TBC1D22B: variants seen among roughly 807,000 people sequenced by gnomAD.
The protein encoded by TBC1D22B is chromosome 6 open reading frame 197.
A neutral mutation model predicts 69.1 loss-of-function variants in TBC1D22B; 32 were observed. The ratio of observed to expected loss-of-function variants is 0.46; its 90% confidence interval spans 0.35 to 0.62. TBC1D22B has a LOEUF of 0.62. Ranked by LOEUF, TBC1D22B falls within the 20% of genes least tolerant of loss-of-function variation. The pLI is 0.00. For synonymous variants in TBC1D22B, 206 were observed against 229.8 expected (o/e 0.90, Z 0.94); for missense variants, 462 against 630.9 (o/e 0.73, Z 2.87).
At chr6:37,313,228 G>A (rs1440238393) in intron 9 of TBC1D22B, among the ~76,000 whole-genome samples, 3 of 152,170 alleles carry the variant, frequency 2.0e-5, no homozygotes, top group Admixed American at 6.5e-5. Flanking sequence ...GGTGGCTCAC[G>A]CCTGTAATCC....
At chr6:37,291,100 A>G in intron 7 of TBC1D22B, 143 bp from the exon 8 acceptor site, 1 of 638,800 alleles carries the variant, frequency 1.6e-6, no homozygotes. Flanking sequence ...TTGCATTTAT[A>G]TACTTCTTTA....
At chr6:37,317,066 CTT>C (rs1280479985) in intron 11 of TBC1D22B, 43 bp from the exon 12 acceptor site, 2 of 1,539,900 alleles carry the variant, frequency 1.3e-6, no homozygotes, top group Non-Finnish European at 1.8e-6. Context: ...AGAGCTGAAT[CTT>C]TGTCAGGGCT....
At chr6:37,309,596 T>C (rs1381153180) in intron 8 of TBC1D22B, among the ~76,000 whole-genome samples, 1 of 152,096 alleles carries the variant, frequency 6.6e-6, no homozygotes, top group East Asian at 1.9e-4. Flanking sequence ...CTGCCTAGGA[T>C]GGATTAGAAG....
At chr6:37,324,205 C>T (rs1221735412) in intron 12 of TBC1D22B, 1 of 435,574 alleles carries the variant, frequency 2.3e-6, no homozygotes, top group African/African-American at 2.0e-5. Flanking sequence ...TTTAATAGCA[C>T]ATATTTAATG....
At chr6:37,287,849 CTGTT>C (rs1767056394) in intron 7 of TBC1D22B, among the ~76,000 whole-genome samples, 1 of 152,170 alleles carries the variant, frequency 6.6e-6, no homozygotes, top group Non-Finnish European at 1.5e-5. Flanking sequence ...ATGTGAATAT[CTGTT>C]TGAGTCTCTG....
At chr6:37,295,425 A>T (rs1041198445) in intron 8 of TBC1D22B, among the ~76,000 whole-genome samples, 12 of 152,008 alleles carry the variant, frequency 7.9e-5, no homozygotes, top group Non-Finnish European at 7.4e-5. Context: ...TCATTTTTTA[A>T]TTTTTTATTT....
chr6:37,296,476 A>G (rs565298161), intron 8 of TBC1D22B, among the ~76,000 whole-genome samples: 31 of 152,126 alleles, frequency 2.0e-4, no homozygotes, highest in African/African-American at 7.2e-4. Flanking sequence ...AGCGTCCTGG[A>G]TAGTTGGGAC....
rs188114712 is a variant in TBC1D22B, at chr6:37,320,197, C to T, written c.1389+2991C>T. ...AGGGGTTCAGAGAGGAAGCAGATAT[C>T]TTCCTGTCAAGGTTAGGGACTGTGC... On this transcript the variant is annotated intron_variant, in intron 12 of 12. Coordinates refer to ENST00000373491, the MANE Select transcript of TBC1D22B (RefSeq NM_017772.4). 1.9e-3 allele frequency among the ~76,000 whole-genome samples: 282 copies of T among 152,320 alleles called. 1 individual carries two copies. The highest frequency in any genetic ancestry group is 2.9e-3 in the Non-Finnish European group (194 of 68,028).
chr6:37,267,549 A>G (rs949923225), intron 1 of TBC1D22B, among the ~76,000 whole-genome samples: 11 of 142,902 alleles, frequency 7.7e-5, no homozygotes, highest in African/African-American at 2.9e-4. Context: ...ATATATATAC[A>G]CATATATATA....
chr6:37,258,773 T>G (rs1319254833), intron 1 of TBC1D22B, among the ~76,000 whole-genome samples: 1 of 152,200 alleles, frequency 6.6e-6, no homozygotes, highest in Non-Finnish European at 1.5e-5. Context: ...GTTTACTGTT[T>G]CAGTTTATTT....
At chr6:37,261,775 CT>C (rs1490772592) in intron 1 of TBC1D22B, among the ~76,000 whole-genome samples, 1 of 151,894 alleles carries the variant, frequency 6.6e-6, no homozygotes, top group African/African-American at 2.4e-5. Context: ...TGGCTCACAC[CT>C]GTAATCCCAG....
intron 10 of TBC1D22B, among the ~76,000 whole-genome samples, chr6:37,316,452 G>A (rs1768080553): frequency 6.6e-6 from 1 of 152,238 alleles, no homozygotes. Context: ...GCCCCACAAA[G>A]GAAGCGGGGC....
intron 3 of TBC1D22B, 41 bp from the exon 4 acceptor site, chr6:37,282,144 C>A: frequency 6.2e-7 from 1 of 1,605,000 alleles, no homozygotes; most frequent in Non-Finnish European, 8.5e-7. Flanking sequence ...AATCCATACT[C>A]CTCACACAGC....
intron 12 of TBC1D22B, among the ~76,000 whole-genome samples, chr6:37,322,617 G>A (rs1156920420): frequency 2.0e-5 from 3 of 152,186 alleles, no homozygotes; most frequent in Non-Finnish European, 2.9e-5. Flanking sequence ...ATAGGTGTTT[G>A]TAATAAAAAC....
intron 10 of TBC1D22B, among the ~76,000 whole-genome samples, chr6:37,314,282 C>A (rs530910535): frequency 3.5e-4 from 54 of 152,272 alleles, no homozygotes; most frequent in Non-Finnish European, 6.9e-4. Context: ...CTGTTCTGGC[C>A]ACGTCCCTCT....
intron 12 of TBC1D22B, among the ~76,000 whole-genome samples, chr6:37,322,725 A>T (rs1400550641): frequency 6.6e-6 from 1 of 152,156 alleles, no homozygotes; most frequent in Non-Finnish European, 1.5e-5. Flanking sequence ...TTAATGTCAG[A>T]CCTCGGGACA....
chr6:37,310,069 AATTAT>A (rs1767855926), intron 8 of TBC1D22B, among the ~76,000 whole-genome samples: 1 of 146,828 alleles, frequency 6.8e-6, no homozygotes, highest in Non-Finnish European at 1.5e-5. Context: ...TATAATGTAT[AATTAT>A]ATTTAAATAT....
At chr6:37,283,938 G>T (rs1422184885) in intron 5 of TBC1D22B, among the ~76,000 whole-genome samples, 2 of 152,188 alleles carry the variant, frequency 1.3e-5, no homozygotes, top group East Asian at 1.9e-4. Context: ...TGCTGTAGAG[G>T]TTGCTATATC....
chr6:37,306,380 C>A (rs1345608461), intron 8 of TBC1D22B, among the ~76,000 whole-genome samples: 1 of 152,232 alleles, frequency 6.6e-6, no homozygotes, highest in Admixed American at 6.5e-5. Flanking sequence ...ACAGCTGACA[C>A]TGGCAGTGGG....
Sources: gnomAD v4.1 joint callset for allele counts (sites outside exome capture counted in the v4.1 genomes callset) on GRCh38, gnomAD v4.1.1 for gene constraint, MANE v1.5 for transcripts, NCBI Gene and HGNC (gene_info 2026-07-23, HGNC 2026-07-21) for gene names.